GPD2: variants seen among roughly 807,000 people sequenced by gnomAD.
GPD2 encodes the protein glycerol-3-phosphate dehydrogenase 2, also known as glycerol-3-phosphate dehydrogenase, mitochondrial.
GPD2 carries 54 observed loss-of-function variants against 82.4 expected under a neutral mutation model. The ratio of observed to expected loss-of-function variants is 0.66; its 90% CI spans 0.53 to 0.82. The LOEUF (loss-of-function observed/expected upper bound fraction) is 0.82, where lower values mean the gene tolerates loss of function less well. Ranked by LOEUF, GPD2 falls within the 40% of genes least tolerant of loss-of-function variation. GPD2 has a pLI of 0.00. For missense variants in GPD2, 748 were observed against 896.2 expected (o/e 0.83, Z 2.11); for synonymous variants, 288 against 306.1 (o/e 0.94, Z 0.62).
At chr2:156,552,385 G>A (rs185752968) in intron 8 of GPD2, among the ~76,000 whole-genome samples, 89 of 152,252 alleles carry the variant, frequency 5.8e-4, no homozygotes, top group Non-Finnish European at 8.5e-4. Flanking sequence ...TATGTTTCTC[G>A]TATATAGAGA....
chr2:156,514,009 G>A (rs1047010813), intron 6 of GPD2, among the ~76,000 whole-genome samples: 1 of 152,118 alleles, frequency 6.6e-6, no homozygotes, highest in Non-Finnish European at 1.5e-5. Context: ...TATGACGAAG[G>A]TAGATGAACA....
the GPD2 span, among the ~76,000 whole-genome samples, chr2:156,417,615 T>C: frequency 6.6e-6 from 1 of 152,160 alleles, no homozygotes; most frequent in Non-Finnish European, 1.5e-5. Context: ...AATTTTTCTT[T>C]ATTTTACATA....
intron 13 of GPD2, among the ~76,000 whole-genome samples, chr2:156,574,190 AGAG>A (rs1687736870): frequency 6.6e-6 from 1 of 151,856 alleles, no homozygotes; most frequent in African/African-American, 2.4e-5. Flanking sequence ...GGGGATTGTT[AGAG>A]GAGTTGGCAG....
intron 6 of GPD2, among the ~76,000 whole-genome samples, chr2:156,545,127 C>T (rs957291824): frequency 6.6e-6 from 1 of 152,198 alleles, no homozygotes; most frequent in Non-Finnish European, 1.5e-5. Flanking sequence ...CGCATGCCTA[C>T]ACACACTCAT....
chr2:156,511,038 A>T, intron 4 of GPD2, 118 bp downstream of exon 4: 1 of 871,176 alleles, frequency 1.1e-6, no homozygotes, highest in Non-Finnish European at 2.0e-6. Context: ...GGAAATACCT[A>T]TTTAGTGTAT....
At chr2:156,451,461 G>C (rs1434777118) in intron 1 of GPD2, among the ~76,000 whole-genome samples, 2 of 102,608 alleles carry the variant, frequency 1.9e-5, no homozygotes, top group East Asian at 7.8e-4. Context: ...GGCTGGCCGG[G>C]CGGGGGGCTG....
chr2:156,423,454 G>T, the GPD2 span, among the ~76,000 whole-genome samples: 4 of 152,000 alleles, frequency 2.6e-5, no homozygotes, highest in African/African-American at 7.2e-5. Flanking sequence ...TTTTTGGTTA[G>T]TTTCACCACC....
intron 6 of GPD2, among the ~76,000 whole-genome samples, chr2:156,546,461 A>T (rs188343976): frequency 2.6e-5 from 4 of 152,314 alleles, no homozygotes; most frequent in Admixed American, 2.0e-4. Flanking sequence ...TATATCACGT[A>T]TATCTCAGGA....
At chr2:156,566,206 A>G (rs1211455782) in intron 9 of GPD2, among the ~76,000 whole-genome samples, 1 of 152,072 alleles carries the variant, frequency 6.6e-6, no homozygotes, top group African/African-American at 2.4e-5. Context: ...TGATTTTTAG[A>G]TTATGGTTAA....
intron 1 of GPD2, among the ~76,000 whole-genome samples, chr2:156,455,119 C>T (rs952235740): frequency 2.0e-5 from 3 of 152,204 alleles, no homozygotes; most frequent in East Asian, 1.9e-4. Flanking sequence ...ATTTGGACTT[C>T]GTGCTGTCCC....
the GPD2 span, among the ~76,000 whole-genome samples, chr2:156,407,944 A>ATTTTTTT: frequency 3.5e-5 from 2 of 56,478 alleles, 1 homozygote; most frequent in Non-Finnish European, 6.1e-5. Flanking sequence ...CCATGCTGTA[A>ATTTTTTT]TTTTTTTTTT....
Position 156,569,968 on chromosome 2 carries a change from G to A in GPD2, c.1477-119G>A, listed in dbSNP as rs183711886. ...ACAAAATCAAAATATAATACTCTCC[G>A]AGAGCTATTAGTTACAGGCTGTAAG... On this transcript the variant is annotated intron_variant, in intron 11 of 16. Coordinates refer to ENST00000438166, the MANE Select transcript of GPD2 (RefSeq NM_000408.5). 2.2e-4 allele frequency: 197 copies of A among 876,736 alleles called. No homozygotes were observed. The African/African-American group carries it at 2.9e-3, about 13-fold the overall frequency. 54.3% of individuals were successfully genotyped at this position (876,736 alleles called of 1,614,324 possible).
intron 1 of GPD2, among the ~76,000 whole-genome samples, chr2:156,471,402 T>TAC (rs1683322251): frequency 6.6e-6 from 1 of 152,240 alleles, no homozygotes; most frequent in Non-Finnish European, 1.5e-5. Flanking sequence ...TTCCTTAATC[T>TAC]ACAGCCTCTA....
chr2:156,566,777 C>T (rs1435544006), intron 9 of GPD2, among the ~76,000 whole-genome samples: 1 of 152,076 alleles, frequency 6.6e-6, no homozygotes, highest in African/African-American at 2.4e-5. Context: ...GAGGAATCGC[C>T]ATACATTTTT....
chr2:156,550,825 C>A (rs1166599408), intron 8 of GPD2, 79 bp downstream of exon 8: 1 of 1,149,504 alleles, frequency 8.7e-7, no homozygotes. Context: ...CTTCTTCTAG[C>A]ATAGCAATAG....
chr2:156,483,239 T>C (rs1332687984), intron 2 of GPD2, among the ~76,000 whole-genome samples: 2 of 152,252 alleles, frequency 1.3e-5, no homozygotes, highest in African/African-American at 4.8e-5. Flanking sequence ...GCTTCCTGAA[T>C]GTGTCTGTTA....
intron 1 of GPD2, among the ~76,000 whole-genome samples, chr2:156,444,214 T>A (rs148911768): frequency 2.0e-5 from 3 of 152,196 alleles, no homozygotes; most frequent in African/African-American, 7.2e-5. Context: ...TTACCTGGAG[T>A]TTGGGGTTTC....
chr2:156,423,055 A>G, the GPD2 span, among the ~76,000 whole-genome samples: 2 of 152,192 alleles, frequency 1.3e-5, no homozygotes, highest in East Asian at 3.8e-4. Flanking sequence ...TTATCTTTAC[A>G]GTAATCCATG....
rs1483772524 is a variant in GPD2 at position 156,451,192 on chromosome 2, C to T, written c.-9+14679C>T. 5.9e-5 allele frequency among the ~76,000 whole-genome samples: 9 copies of T among 151,896 alleles called. No homozygotes were observed. In the East Asian group the frequency reaches 1.2e-3, roughly 20 times the overall value. ...TGAGCTGCTGGGCACACCTCCCAGA[C>T]GGGGTGGTGGCCGGGCAGAGGGGCT... On this transcript the variant is annotated intron_variant, in intron 1 of 16. Transcript: ENST00000438166.
Sources: gnomAD v4.1 joint callset for allele counts (sites outside exome capture counted in the v4.1 genomes callset) on GRCh38, gnomAD v4.1.1 for gene constraint, MANE v1.5 for transcripts, NCBI Gene and HGNC (gene_info 2026-07-23, HGNC 2026-07-21) for gene names.